Variants in SH3RF2 observed in about 807,000 individuals in gnomAD.
SH3RF2 encodes the protein SH3 domain containing ring finger 2.
Under a neutral mutation model 59.0 loss-of-function variants are expected in SH3RF2, and 43 were observed. The ratio of observed to expected loss-of-function variants is 0.73; its 90% CI spans 0.57 to 0.94. The LOEUF (loss-of-function observed/expected upper bound fraction) is 0.94, where lower values mean the gene tolerates loss of function less well. Ranked by LOEUF, SH3RF2 falls within the 40% of genes least tolerant of loss-of-function variation. The pLI is 0.00. For missense variants in SH3RF2, 930 were observed against 940.1 expected, an observed-to-expected ratio of 0.99 and a Z score of 0.14; for synonymous variants, 391 against 391.5, an observed-to-expected ratio of 1.00 and a Z score of 0.01.
At chr5:145,944,071 A>G (rs148065114) in intron 2 of SH3RF2, among the ~76,000 whole-genome samples, 4 of 152,342 alleles carry the variant, frequency 2.6e-5, no homozygotes, top group African/African-American at 9.6e-5. Context: ...AGCTGGGACC[A>G]GCTCAGATAT....
chr5:146,021,771 G>GT (rs1443091014), intron 5 of SH3RF2, among the ~76,000 whole-genome samples: 1 of 152,164 alleles, frequency 6.6e-6, no homozygotes, highest in African/African-American at 2.4e-5. Context: ...CAGAGATACA[G>GT]TGTTGTACAG....
chr5:146,044,670 C>G (rs1762244427), intron 5 of SH3RF2, among the ~76,000 whole-genome samples: 1 of 152,104 alleles, frequency 6.6e-6, no homozygotes, highest in South Asian at 2.1e-4. Context: ...CCCTCTGTCC[C>G]TCTGCAGCTA....
chr5:146,015,412 G>A (rs530123460), intron 5 of SH3RF2, among the ~76,000 whole-genome samples: 1 of 152,148 alleles, frequency 6.6e-6, no homozygotes, highest in Admixed American at 6.5e-5. Flanking sequence ...TTCTTTACAA[G>A]TACATATTAA....
chr5:145,990,378 A>G lies in SH3RF2; in HGVS notation c.379-9680A>G, dbSNP rs112425480. 8.2e-3 allele frequency among the ~76,000 whole-genome samples: 1,251 copies of G among 152,348 alleles called. 8 individuals are homozygous for G. Among genetic ancestry groups the G allele is most frequent in the Admixed American group, 0.014 (207 of 15,304 alleles). ...GATTATTTCTCAGTATCTGTATATC[A>G]AATCTCAGAGAAAATACTAATTATC... is the stretch of plus-strand genomic sequence containing the variant. On this transcript the variant is annotated intron_variant, in intron 2 of 9. Transcript: ENST00000359120.
intron 2 of SH3RF2, among the ~76,000 whole-genome samples, chr5:145,972,437 C>T (rs776390829): frequency 2.0e-5 from 3 of 152,176 alleles, no homozygotes; most frequent in Non-Finnish European, 2.9e-5. Flanking sequence ...ACCGTCACCA[C>T]CAGAACTGCT....
At chr5:146,006,809 C>T (rs1760665297) in intron 4 of SH3RF2, among the ~76,000 whole-genome samples, 1 of 152,198 alleles carries the variant, frequency 6.6e-6, no homozygotes, top group Admixed American at 6.5e-5. Flanking sequence ...ATTCCATGTT[C>T]AGTGCAGAGT....
exon 10 of SH3RF2, chr5:146,078,620 C>T (rs560838059): frequency 6.6e-6 from 1 of 152,206 alleles, no homozygotes; most frequent in African/African-American, 2.4e-5. Flanking sequence ...AGTCTGGCCT[C>T]CAAGACAGGA....
intron 8 of SH3RF2, among the ~76,000 whole-genome samples, chr5:146,057,928 GTC>G (rs58826823): frequency 0.026 from 3,396 of 132,960 alleles, 42 homozygotes; most frequent in Middle Eastern, 0.044. Context: ...GGCTGTTAGT[GTC>G]TCTCTCTCTC....
At chr5:146,060,333 T>C in intron 9 of SH3RF2, 109 bp downstream of exon 9, 1 of 1,028,786 alleles carries the variant, frequency 9.7e-7, no homozygotes, top group Non-Finnish European at 1.4e-6. Flanking sequence ...AATTGCAGCC[T>C]CGAAAGAATC....
At chr5:146,024,079 A>G (rs1561748197) in intron 5 of SH3RF2, among the ~76,000 whole-genome samples, 1 of 152,222 alleles carries the variant, frequency 6.6e-6, no homozygotes, top group Non-Finnish European at 1.5e-5. Context: ...ATTTGTAGAC[A>G]TATGCTTTCA....
In SH3RF2 at chr5:146,049,061, C is replaced by T. The variant is rs1418227032; in HGVS notation, c.1152-14C>T. On this transcript the variant is annotated splice_polypyrimidine_tract_variant and intron_variant, in intron 6 of 9. Coordinates refer to ENST00000359120, the MANE Select transcript of SH3RF2 (RefSeq NM_152550.4). Reference sequence around the variant, plus strand: ...TCTTCCTTCCTCCCTCACCAGTTCTCTGTGTCTTCCCAGGTTTGTAGCCCT... The same window carrying T: ...TCTTCCTTCCTCCCTCACCAGTTCTTTGTGTCTTCCCAGGTTTGTAGCCCT... 2 of 1,613,938 alleles carry T rather than the reference C, an allele frequency of 1.2e-6. No individual in the cohort carries two copies. The highest frequency in any genetic ancestry group is 1.7e-6 in the Non-Finnish European group (2 of 1,180,026).
At chr5:145,946,170 C>T (rs1757998916) in intron 2 of SH3RF2, among the ~76,000 whole-genome samples, 1 of 152,214 alleles carries the variant, frequency 6.6e-6, no homozygotes, top group Admixed American at 6.5e-5. Flanking sequence ...ACAAACTGTT[C>T]CTAAGTGCCT....
intron 2 of SH3RF2, among the ~76,000 whole-genome samples, chr5:145,939,442 G>A (rs992901123): frequency 2.0e-5 from 3 of 152,132 alleles, no homozygotes; most frequent in Non-Finnish European, 2.9e-5. Flanking sequence ...ACAACTTTCC[G>A]AAATTTTCCT....
At chr5:146,027,828 G>C (rs374260852) in intron 5 of SH3RF2, among the ~76,000 whole-genome samples, 16 of 152,150 alleles carry the variant, frequency 1.1e-4, no homozygotes, top group Non-Finnish European at 1.8e-4. Context: ...TCCAGAAAGC[G>C]CCAGTACTCC....
At chr5:145,942,489 A>G (rs1018085798) in intron 2 of SH3RF2, among the ~76,000 whole-genome samples, 17 of 152,330 alleles carry the variant, frequency 1.1e-4, no homozygotes, top group Admixed American at 9.8e-4. Flanking sequence ...GAGGTCAGAA[A>G]ACATATCAGG....
intron 6 of SH3RF2, 130 bp from the exon 7 acceptor site, chr5:146,048,945 C>T (rs1762395794): frequency 9.4e-7 from 1 of 1,068,204 alleles, no homozygotes; most frequent in Non-Finnish European, 1.4e-6. Flanking sequence ...GTGAGAACCA[C>T]CGCACCCGCT....
chr5:146,059,431 G>C (rs1258755157), intron 8 of SH3RF2, among the ~76,000 whole-genome samples: 1 of 151,462 alleles, frequency 6.6e-6, no homozygotes, highest in Non-Finnish European at 1.5e-5. Context: ...CATTCTTCTC[G>C]GTTGCCTCTC....
chr5:145,978,982 TC>T (rs1413508572), intron 2 of SH3RF2, among the ~76,000 whole-genome samples: 1 of 152,196 alleles, frequency 6.6e-6, no homozygotes, highest in Admixed American at 6.5e-5. Context: ...TTTCCTGTGC[TC>T]ATACTTCTGG....
intron 2 of SH3RF2, among the ~76,000 whole-genome samples, chr5:145,942,722 G>A (rs1757863951): frequency 6.6e-6 from 1 of 152,202 alleles, no homozygotes; most frequent in African/African-American, 2.4e-5. Context: ...GGCTAAGGTT[G>A]AGAAGTCAAG....
Sources: allele counts gnomAD v4.1 joint callset (sites outside exome capture counted in the v4.1 genomes callset), GRCh38; gene constraint gnomAD v4.1.1; transcripts MANE v1.5; gene names NCBI Gene and HGNC (gene_info 2026-07-23, HGNC 2026-07-21).